KHDRBS2: variants seen among roughly 807,000 people sequenced by gnomAD.
KHDRBS2 encodes the protein KH domain-containing, RNA-binding, signal transduction-associated protein 2.
In KHDRBS2, 26 loss-of-function variants were observed where a neutral mutation model predicts 44.3. The ratio of observed to expected loss-of-function variants is 0.59; its 90% CI spans 0.43 to 0.81. The LOEUF is 0.81. KHDRBS2 is among the 40% of genes least tolerant of loss of function. The pLI is 0.00. For synonymous variants in KHDRBS2, 194 were observed against 151.1 expected, an observed-to-expected ratio of 1.28 and a Z score of -2.08; for missense variants, 476 against 433.1, an observed-to-expected ratio of 1.10 and a Z score of -0.88.
At chr6:62,179,613 G>A (rs928042941) in intron 1 of KHDRBS2, among the ~76,000 whole-genome samples, 18 of 151,740 alleles carry the variant, frequency 1.2e-4, no homozygotes, top group African/African-American at 3.6e-4. Flanking sequence ...ACACAGTGAA[G>A]AAGCTGACTC....
At chr6:62,088,912 T>A (rs1798948012) in intron 2 of KHDRBS2, among the ~76,000 whole-genome samples, 1 of 152,164 alleles carries the variant, frequency 6.6e-6, no homozygotes, top group Admixed American at 6.6e-5. Context: ...TTCAGAGATG[T>A]TCTGACTAGA....
chr6:61,937,252 G>T (rs1048205334), intron 4 of KHDRBS2, among the ~76,000 whole-genome samples: 1 of 151,756 alleles, frequency 6.6e-6, no homozygotes, highest in African/African-American at 2.4e-5. Flanking sequence ...TTACATTTGG[G>T]TTTTCTGCAA....
the KHDRBS2 span, among the ~76,000 whole-genome samples, chr6:61,663,967 T>C: frequency 6.6e-6 from 1 of 151,756 alleles, no homozygotes; most frequent in Non-Finnish European, 1.5e-5. Context: ...TTGGAAAGAA[T>C]TGATGTATGT....
intron 7 of KHDRBS2, among the ~76,000 whole-genome samples, chr6:61,731,222 C>A (rs1774382106): frequency 6.6e-6 from 1 of 152,104 alleles, no homozygotes; most frequent in South Asian, 2.1e-4. Flanking sequence ...ATATAATACT[C>A]GGTTCAATAT....
intron 4 of KHDRBS2, among the ~76,000 whole-genome samples, chr6:61,944,899 T>C (rs553234103): frequency 6.6e-6 from 1 of 151,492 alleles, no homozygotes; most frequent in East Asian, 2.0e-4. Context: ...AAGACCAGTC[T>C]GGCCAACATG....
chr6:61,876,309 C>T (rs1356010568), intron 6 of KHDRBS2, among the ~76,000 whole-genome samples: 3 of 151,936 alleles, frequency 2.0e-5, no homozygotes, highest in African/African-American at 7.2e-5. Flanking sequence ...CTGTCAAAAG[C>T]ATGAAGGCTA....
the KHDRBS2 span, among the ~76,000 whole-genome samples, chr6:61,637,439 G>A: frequency 6.6e-6 from 1 of 152,064 alleles, no homozygotes; most frequent in Admixed American, 6.6e-5. Flanking sequence ...ATCATTGTTG[G>A]ACATTTGGGT....
chr6:62,182,553 T>G (rs1164612201), intron 1 of KHDRBS2, among the ~76,000 whole-genome samples: 1 of 151,950 alleles, frequency 6.6e-6, no homozygotes, highest in African/African-American at 2.4e-5. Flanking sequence ...AATGGTTTCA[T>G]AGGGGTATAC....
At chr6:62,144,254 C>A (rs1813461563) in intron 2 of KHDRBS2, among the ~76,000 whole-genome samples, 1 of 151,880 alleles carries the variant, frequency 6.6e-6, no homozygotes, top group African/African-American at 2.4e-5. Flanking sequence ...ATTTAGAAAC[C>A]CCAACTACTT....
At chr6:62,144,365 A>AAT (rs1813486354) in intron 2 of KHDRBS2, among the ~76,000 whole-genome samples, 1 of 152,006 alleles carries the variant, frequency 6.6e-6, no homozygotes, top group Non-Finnish European at 1.5e-5. Context: ...AATAATCTGT[A>AAT]AACTTGACTA....
Position 61,949,723 on chromosome 6 carries a change from T to C in KHDRBS2, c.483+28343A>G, listed in dbSNP as rs372558005. 5.9e-5 allele frequency among the ~76,000 whole-genome samples: 9 copies of C among 152,126 alleles called. No homozygotes were observed. In the East Asian group the frequency reaches 1.7e-3, roughly 29 times the overall value. ...ATAGTATTGTTTTTGTGTATTTGTA[T>C]AAAAGTATCTGGACAAAATTTTAAA... On this transcript the variant is annotated intron_variant, in intron 4 of 8. Coordinates refer to ENST00000281156, the MANE Select transcript of KHDRBS2 (RefSeq NM_152688.4).
chr6:61,967,982 A>C (rs1430952627), intron 4 of KHDRBS2, among the ~76,000 whole-genome samples: 2 of 150,462 alleles, frequency 1.3e-5, no homozygotes, highest in Non-Finnish European at 3.0e-5. Flanking sequence ...ATGCACACAC[A>C]CACATACTGA....
the KHDRBS2 span, among the ~76,000 whole-genome samples, chr6:61,659,779 C>T: frequency 6.6e-6 from 1 of 151,644 alleles, no homozygotes; most frequent in Middle Eastern, 3.2e-3. Flanking sequence ...AAGAAGATAG[C>T]ATAACCATCT....
chr6:62,280,273 G>A (rs1439478855), intron 1 of KHDRBS2, among the ~76,000 whole-genome samples: 2 of 152,184 alleles, frequency 1.3e-5, no homozygotes, highest in Non-Finnish European at 2.9e-5. Context: ...AAATTATTAA[G>A]AAGTGTGACA....
At chr6:61,840,460 AAAC>A (rs2127271221) in intron 6 of KHDRBS2, among the ~76,000 whole-genome samples, 1 of 152,258 alleles carries the variant, frequency 6.6e-6, no homozygotes, top group South Asian at 2.1e-4. Context: ...TGCTTCCTAA[AAAC>A]AACACCTCCT....
the KHDRBS2 span, among the ~76,000 whole-genome samples, chr6:61,602,939 C>T: frequency 2.6e-5 from 4 of 151,320 alleles, no homozygotes; most frequent in South Asian, 2.1e-4. Flanking sequence ...TGCCACCTTT[C>T]CCCCCAGTTC....
the KHDRBS2 span, among the ~76,000 whole-genome samples, chr6:61,607,520 C>CAAA: frequency 0.037 from 1,497 of 40,808 alleles, 293 homozygotes; most frequent in East Asian, 0.053. Context: ...GAGTTCCAAG[C>CAAA]AAAAAAAAAA....
chr6:62,100,997 C>T (rs555410578), intron 2 of KHDRBS2, among the ~76,000 whole-genome samples: 2 of 152,272 alleles, frequency 1.3e-5, no homozygotes, highest in South Asian at 4.2e-4. Flanking sequence ...AATAGTTTTA[C>T]AGGCAGAAAA....
chr6:62,002,450 TC>T (rs1179437623), intron 3 of KHDRBS2, among the ~76,000 whole-genome samples: 1 of 151,772 alleles, frequency 6.6e-6, no homozygotes, highest in Non-Finnish European at 1.5e-5. Flanking sequence ...GTCTTTTCTA[TC>T]ATTTTTGCTA....
Sources: allele counts gnomAD v4.1 joint callset (sites outside exome capture counted in the v4.1 genomes callset), GRCh38; gene constraint gnomAD v4.1.1; transcripts MANE v1.5; gene names NCBI Gene and HGNC (gene_info 2026-07-23, HGNC 2026-07-21).